TMEM18: variants seen among roughly 807,000 people sequenced by gnomAD.
TMEM18 encodes the protein transmembrane protein 18.
TMEM18 carries 14 observed loss-of-function variants against 17.4 expected under a neutral mutation model. The observed-to-expected ratio is 0.80, with a 90% CI of 0.53 to 1.25. TMEM18 has a LOEUF of 1.25. Among genes scored for constraint, TMEM18 ranks in the 50% most tolerant of loss-of-function variants. The pLI is 0.00. For synonymous variants in TMEM18, 86 were observed against 66.1 expected (o/e 1.30, Z -1.46); for missense variants, 187 against 172.1 (o/e 1.09, Z -0.48).
chr2:674,356 T>G (rs1678938610), intron 2 of TMEM18, among the ~76,000 whole-genome samples: 1 of 152,224 alleles, frequency 6.6e-6, no homozygotes, highest in South Asian at 2.1e-4. Flanking sequence ...AGCATCTCAC[T>G]GCCTGGCTCC....
At chr2:674,278 G>T (rs1678936822) in intron 2 of TMEM18, among the ~76,000 whole-genome samples, 1 of 152,190 alleles carries the variant, frequency 6.6e-6, no homozygotes, top group South Asian at 2.1e-4. Context: ...AGCTGGTGAA[G>T]CCATCACCTT....
Position 669,467 on chromosome 2 carries a change from C to T in TMEM18, c.*113G>A, listed in dbSNP as rs1008434698. The stretch of plus-strand genomic sequence containing the variant: ...CACTGTGGATATTTAAATAAAACAA[C>T]GGTTTTTCAAACCATGAGTCAGCTG... On this transcript the variant is annotated 3_prime_UTR_variant, in exon 5 of 5. Coordinates refer to ENST00000281017, the MANE Select transcript of TMEM18 (RefSeq NM_152834.4). 2.7e-5 allele frequency: 29 copies of T among 1,083,236 alleles called. No individual in the cohort carries two copies. The highest frequency in any genetic ancestry group is 4.3e-4 in the Middle Eastern group (2 of 4,694). The allele number at this position is 1,083,236 out of a possible 1,614,324, so 67.1% of individuals were successfully genotyped here.
chr2:673,147 G>A (rs1678899243), intron 2 of TMEM18, among the ~76,000 whole-genome samples: 1 of 152,162 alleles, frequency 6.6e-6, no homozygotes, highest in Non-Finnish European at 1.5e-5. Context: ...GAGGCCCCAG[G>A]CTTCACCCAG....
chr2:667,112 T>C lies in TMEM18; in HGVS notation c.*2468A>G, dbSNP rs1678713182. On this transcript the variant is annotated 3_prime_UTR_variant, in exon 5 of 5. Transcript: ENST00000281017. ...TCTCACAGAAGCTAGCCATTCAGGT[T>C]GCATATTGCTTTCTGATTTGATATA... Among the ~76,000 whole-genome samples, 1 of 151,988 alleles carries C rather than the reference T, an allele frequency of 6.6e-6. No homozygotes were observed. Among genetic ancestry groups the C allele is most frequent in the Non-Finnish European group, 1.5e-5 (1 of 68,002 alleles).
intron 2 of TMEM18, among the ~76,000 whole-genome samples, chr2:674,171 C>A (rs181872704): frequency 6.6e-6 from 1 of 152,056 alleles, no homozygotes; most frequent in Non-Finnish European, 1.5e-5. Context: ...CTAGTATTAC[C>A]CCGGTGTGAA....
intron 1 of TMEM18, chr2:676,221 C>T (rs1259017791): frequency 1.4e-6 from 2 of 1,392,670 alleles, no homozygotes; most frequent in South Asian, 2.4e-5. Context: ...TCCTGGACTC[C>T]CCGGGACCCT....
chr2:676,820 G>C lies in TMEM18; in HGVS notation c.57+469C>G. 7.7e-6 allele frequency: 5 copies of C among 646,292 alleles called. No individual in the cohort carries two copies. In the South Asian group the frequency reaches 9.6e-5, roughly 12 times the overall value. The allele number at this position is 646,292 out of a possible 1,614,324, so 40.0% of individuals were successfully genotyped here. A position where few individuals can be genotyped will look rare whatever the true frequency, so the allele number is the denominator to read the frequency against. ...CGCCCACATGGCCCAAGCCCCGCCC[G>C]CAAGACGCTGGACTGGCCGGCGTGC... On this transcript the variant is annotated intron_variant, in intron 1 of 4. Coordinates refer to ENST00000281017, the MANE Select transcript of TMEM18 (RefSeq NM_152834.4).
Position 669,651 on chromosome 2 carries a change from T to C in TMEM18, c.352A>G (p.Asn118Asp). The C allele has an allele frequency of 6.2e-7, 1 of 1,614,190 alleles. No homozygotes were observed. The highest frequency in any genetic ancestry group is 8.5e-7 in the Non-Finnish European group (1 of 1,180,044). ...GCATTCTTCAGGTCAGTCATCACAT[T>C]CAAAGTCTTCCATACCCACATAACC... ...IVVMWVWKTL[N>D]VMTDLKNAQE... Residue 118 changes from asparagine to aspartate, a missense_variant, in exon 5 of 5, where the codon AAT becomes GAT. By Grantham distance (23) the Asn-to-Asp change is conservative (BLOSUM62 1). Transcript: ENST00000281017.
At chr2:672,563 G>A (rs1459373787) in intron 3 of TMEM18, among the ~76,000 whole-genome samples, 1 of 152,268 alleles carries the variant, frequency 6.6e-6, no homozygotes. Context: ...CACTTCTCTG[G>A]CTCTGCCATC....
rs77527334 is a variant in TMEM18 at position 665,838 on chromosome 2, A to G, written c.*3742T>C. 2.5e-4 allele frequency among the ~76,000 whole-genome samples: 27 copies of G among 108,364 alleles called. No homozygotes were observed. The highest frequency in any genetic ancestry group is 9.3e-4 in the African/African-American group (26 of 27,860). 71.1% of individuals were successfully genotyped at this position (108,364 alleles called of 152,430 possible). On this transcript the variant is annotated 3_prime_UTR_variant, in exon 5 of 5. Transcript: ENST00000281017. Reference sequence around the variant, plus strand: ...GCATCAACCCCACACACAACAGGACACAGAGATGCAGATGCCCCACTCACT... The same window carrying G: ...GCATCAACCCCACACACAACAGGACGCAGAGATGCAGATGCCCCACTCACT...
intron 1 of TMEM18, chr2:675,905 T>C: frequency 6.9e-7 from 1 of 1,453,086 alleles, no homozygotes. Flanking sequence ...TGAAGGCATC[T>C]CTGATGTGCT....
chr2:676,305 A>C (rs1052403734), intron 1 of TMEM18: 1 of 1,483,764 alleles, frequency 6.7e-7, no homozygotes, highest in Non-Finnish European at 9.0e-7. Context: ...CTCAGTCCCC[A>C]CCTGATGCTC....
intron 1 of TMEM18, chr2:676,042 G>T: frequency 7.6e-7 from 1 of 1,317,430 alleles, no homozygotes. Context: ...TGCTCAAAGA[G>T]ATGCACTTGG....
At chr2:671,907 A>AAGAGAGGGCAGGGAGG (rs1678858325) in intron 3 of TMEM18, among the ~76,000 whole-genome samples, 1 of 152,214 alleles carries the variant, frequency 6.6e-6, no homozygotes, top group Non-Finnish European at 1.5e-5. Context: ...CTTATGGCTA[A>AAGAGAGGGCAGGGAGG]AGAGAGGGCA....
In TMEM18 at chr2:665,902, G is replaced by A. The variant is rs1251897499; in HGVS notation, c.*3678C>T. Among the ~76,000 whole-genome samples the A allele has an allele frequency of 6.6e-6, 1 of 152,110 alleles. No individual in the cohort carries two copies. Among genetic ancestry groups the A allele is most frequent in the Non-Finnish European group, 1.5e-5 (1 of 68,028 alleles). On this transcript the variant is annotated 3_prime_UTR_variant, in exon 5 of 5. Coordinates refer to ENST00000281017, the MANE Select transcript of TMEM18 (RefSeq NM_152834.4). ...AACCCCACACACAACAGGACTCATG[G>A]AGGCAGTCACCCAGCTCACTCAGAT...
chr2:676,636 C>A, intron 1 of TMEM18: 1 of 1,550,186 alleles, frequency 6.5e-7, no homozygotes. Context: ...CATCGAGTGC[C>A]CATGTCACCC....
At chr2:677,194 G>A (rs778399292) in intron 1 of TMEM18, 95 bp downstream of exon 1, 27 of 1,473,362 alleles carry the variant, frequency 1.8e-5, no homozygotes, top group Non-Finnish European at 2.3e-5. Flanking sequence ...CACGGCCGGG[G>A]CCTTCTTGGC....
rs921823992 is a variant in TMEM18, at chr2:664,092, T to C, written c.*5488A>G. 6.6e-6 allele frequency among the ~76,000 whole-genome samples: 1 copy of C among 152,218 alleles called. No homozygotes were observed. Among genetic ancestry groups the C allele is most frequent in the Non-Finnish European group, 1.5e-5 (1 of 68,036 alleles). ...TGCTGCCTGGGTATTTCACAGGCATTTGTATAATAAATGAAATGAACTTGG... is the reference window on the plus strand; with the variant it reads ...TGCTGCCTGGGTATTTCACAGGCATCTGTATAATAAATGAAATGAACTTGG... On this transcript the variant is annotated 3_prime_UTR_variant, in exon 5 of 5. Transcript: ENST00000281017.
At position 669,637 on chromosome 2, in the gene TMEM18, G is replaced by A; in HGVS notation, c.366C>T (p.Asp122=). ...TTCTTCTCTCTTGTGCATTCTTCAG[G>A]TCAGTCATCACATTCAAAGTCTTCC... The part of the protein sequence containing the change: ...WVWKTLNVMT[D]LKNAQERRKE... The change falls in exon 5 of 5, where the codon GAC becomes GAT. Residue 122 remains aspartate (D), a synonymous_variant. Transcript: ENST00000281017. The A allele has an allele frequency of 1.2e-6, 2 of 1,613,942 alleles. No homozygotes were observed. The highest frequency in any genetic ancestry group is 2.2e-5 in the East Asian group (1 of 44,874).
Sources: allele counts gnomAD v4.1 joint callset (sites outside exome capture counted in the v4.1 genomes callset), GRCh38; gene constraint gnomAD v4.1.1; transcripts MANE v1.5; gene names NCBI Gene and HGNC (gene_info 2026-07-23, HGNC 2026-07-21).